MCC: variants seen among roughly 807,000 people sequenced by gnomAD.
MCC encodes the protein MCC regulator of Wnt signaling pathway, also known as colorectal mutant cancer protein.
In MCC, 90 loss-of-function variants were observed where a neutral mutation model predicts 116.2. The ratio of observed to expected loss-of-function variants is 0.77; its 90% CI spans 0.65 to 0.92. The LOEUF (loss-of-function observed/expected upper bound fraction) is 0.92, where lower values mean the gene tolerates loss of function less well. Among genes scored for constraint, MCC ranks in the 40% least tolerant of loss-of-function variants. The pLI is 0.00. For synonymous variants in MCC, 578 were observed against 510.5 expected (o/e 1.13, Z -1.78); for missense variants, 1,516 against 1,312.2 (o/e 1.16, Z -2.40).
intron 1 of MCC, chr5:113,448,386 G>C (rs1473090686): frequency 1.3e-5 from 2 of 150,944 alleles, no homozygotes; most frequent in Admixed American, 6.6e-5. Flanking sequence ...CTTCACATCA[G>C]AAAAACCTTT....
At chr5:113,362,257 C>T (rs1768567538) in intron 2 of MCC, among the ~76,000 whole-genome samples, 1 of 152,194 alleles carries the variant, frequency 6.6e-6, no homozygotes, top group Non-Finnish European at 1.5e-5. Context: ...GAACTCCTGA[C>T]CTCAAGTGAT....
chr5:113,467,568 G>C (rs1171181932), intron 1 of MCC, among the ~76,000 whole-genome samples: 1 of 152,066 alleles, frequency 6.6e-6, no homozygotes, highest in Admixed American at 6.5e-5. Context: ...CCAGTACCAC[G>C]CTGTTTTGGT....
Position 113,046,710 on chromosome 5 carries a change from A to AAAAAAAAAAG in MCC, c.2655+2382_2655+2383insCTTTTTTTTT. The stretch of plus-strand genomic sequence containing the variant: ...CAAAAAAAAAAAAAAAAAAAAAAAA[A>AAAAAAAAAAG]AGAGAGAGATTTTGAAGGTGTTTGT... On this transcript the variant is annotated intron_variant, in intron 16 of 18. Transcript: ENST00000408903. Among the ~76,000 whole-genome samples, 60 of 102,448 alleles carry AAAAAAAAAAG rather than the reference A, an allele frequency of 5.9e-4. 9 individuals are homozygous for AAAAAAAAAAG. The highest frequency in any genetic ancestry group is 1.1e-3 in the African/African-American group (27 of 25,078). The allele number at this position is 102,448 out of a possible 152,430, so 67.2% of individuals were successfully genotyped here. A position where few individuals can be genotyped will look rare whatever the true frequency, so the allele number is the denominator to read the frequency against.
chr5:113,103,757 G>T (rs1756568978), intron 7 of MCC, among the ~76,000 whole-genome samples: 1 of 152,152 alleles, frequency 6.6e-6, no homozygotes, highest in African/African-American at 2.4e-5. Flanking sequence ...AGTTTGTGCA[G>T]ATGCAACAAA....
intron 8 of MCC, chr5:113,101,533 G>C: frequency 1.7e-6 from 1 of 577,816 alleles, no homozygotes; most frequent in Non-Finnish European, 3.1e-6. Flanking sequence ...CCAGAGAAAA[G>C]TGTTTGCTTT....
At chr5:113,184,050 C>T (rs969352408) in intron 3 of MCC, among the ~76,000 whole-genome samples, 1 of 152,104 alleles carries the variant, frequency 6.6e-6, no homozygotes, top group African/African-American at 2.4e-5. Flanking sequence ...CCCTCTAAAG[C>T]TCATTAGGGG....
chr5:113,183,023 G>A (rs1761710195), intron 3 of MCC, among the ~76,000 whole-genome samples: 1 of 152,200 alleles, frequency 6.6e-6, no homozygotes, highest in Non-Finnish European at 1.5e-5. Flanking sequence ...GATTTCAACA[G>A]GGAGGAAGAA....
intron 1 of MCC, among the ~76,000 whole-genome samples, chr5:113,437,788 T>C (rs1266504646): frequency 6.6e-6 from 1 of 152,218 alleles, no homozygotes; most frequent in East Asian, 1.9e-4. Context: ...AGTTGAGTTA[T>C]TTGAAAGCCC....
chr5:113,134,960 T>TA (rs397882402), intron 5 of MCC, among the ~76,000 whole-genome samples: 2 of 149,284 alleles, frequency 1.3e-5, no homozygotes, highest in Non-Finnish European at 3.0e-5. Context: ...TTTTTTTTTT[T>TA]AAACAGAGTC....
At chr5:113,141,199 T>C (rs1353912941) in intron 5 of MCC, among the ~76,000 whole-genome samples, 2 of 152,242 alleles carry the variant, frequency 1.3e-5, no homozygotes, top group African/African-American at 4.8e-5. Context: ...TCAGAACTCC[T>C]GGCTCCGTAG....
chr5:113,484,904 T>G (rs903268765), intron 1 of MCC, among the ~76,000 whole-genome samples: 1 of 152,248 alleles, frequency 6.6e-6, no homozygotes, highest in Admixed American at 6.5e-5. Flanking sequence ...AAAGTCATTG[T>G]AAGGTTAATG....
At chr5:113,469,490 GT>G (rs1187599914) in intron 1 of MCC, among the ~76,000 whole-genome samples, 1 of 152,210 alleles carries the variant, frequency 6.6e-6, no homozygotes, top group Non-Finnish European at 1.5e-5. Flanking sequence ...TAGTTGTGCG[GT>G]TTTGAGTGAG....
chr5:113,202,732 A>T (rs1762736992), intron 3 of MCC, among the ~76,000 whole-genome samples: 1 of 150,798 alleles, frequency 6.6e-6, no homozygotes, highest in South Asian at 2.1e-4. Context: ...CAGCTCCCCC[A>T]TATACCTTCT....
intron 3 of MCC, among the ~76,000 whole-genome samples, chr5:113,260,709 T>C (rs1173912247): frequency 2.0e-5 from 3 of 151,906 alleles, no homozygotes; most frequent in African/African-American, 7.3e-5. Context: ...GTTAACTGAG[T>C]TATGTAGCTT....
intron 3 of MCC, among the ~76,000 whole-genome samples, chr5:113,178,869 CT>C (rs1275536598): frequency 6.6e-6 from 1 of 152,078 alleles, no homozygotes; most frequent in Non-Finnish European, 1.5e-5. Context: ...GCTGTGGTCT[CT>C]TGTGATTACA....
chr5:113,085,479 T>A (rs1179760340), intron 8 of MCC, among the ~76,000 whole-genome samples, 169 bp from the exon 9 acceptor site: 1 of 152,116 alleles, frequency 6.6e-6, no homozygotes, highest in Non-Finnish European at 1.5e-5. Context: ...TTCGGACTAA[T>A]AATTTTTTTT....
chr5:113,339,409 G>GTT (rs1767953065), intron 3 of MCC, among the ~76,000 whole-genome samples: 1 of 59,592 alleles, frequency 1.7e-5, no homozygotes, highest in South Asian at 4.2e-4. Context: ...GGCTTCCTTA[G>GTT]TGTGTGTGTG....
chr5:113,259,063 T>G (rs925481242), intron 3 of MCC, among the ~76,000 whole-genome samples: 38 of 152,322 alleles, frequency 2.5e-4, no homozygotes, highest in African/African-American at 8.2e-4. Flanking sequence ...GTGTTTTATT[T>G]TAAACCCACC....
intron 14 of MCC, among the ~76,000 whole-genome samples, chr5:113,057,571 G>C (rs979614221): frequency 7.9e-5 from 12 of 152,204 alleles, no homozygotes; most frequent in Admixed American, 7.2e-4. Context: ...AGTGAAATGA[G>C]GCAGCTCAAG....
Sources: allele counts gnomAD v4.1 joint callset (sites outside exome capture counted in the v4.1 genomes callset), GRCh38; gene constraint gnomAD v4.1.1; transcripts MANE v1.5; gene names NCBI Gene and HGNC (gene_info 2026-07-23, HGNC 2026-07-21).